GRIN2A: variants seen among roughly 807,000 people sequenced by gnomAD.
The protein encoded by GRIN2A is glutamate receptor ionotropic, NMDA 2A.
A neutral mutation model predicts 113.4 loss-of-function variants in GRIN2A; 22 were observed. The ratio of observed to expected loss-of-function variants is 0.19; its 90% CI spans 0.14 to 0.28. The LOEUF is 0.28. GRIN2A is among the 10% of genes least tolerant of loss of function. The probability of loss-of-function intolerance (pLI) is 1.00; values close to 1 mark genes in which losing one functional copy is unlikely to be tolerated. For missense variants in GRIN2A, 1,502 were observed against 1,887.0 expected (o/e 0.80, Z 3.78); for synonymous variants, 827 against 738.4 (o/e 1.12, Z -1.94).
At chr16:9,896,959 A>T (rs16966648) in intron 3 of GRIN2A, among the ~76,000 whole-genome samples, 2,078 of 152,254 alleles carry the variant, frequency 0.014, 55 homozygotes, top group African/African-American at 0.048. Context: ...ATCTCTACAA[A>T]ATTGATCATA....
Position 9,755,666 on chromosome 16 carries a change from G to C in GRIN2A, c.*7483C>G, listed in dbSNP as rs551009533. ...GAAATGTGGCTTAGACCATGGAGAG[G>C]GGGGAATGCAGGAAAGGCAGTGTGT... On this transcript the variant is annotated 3_prime_UTR_variant, in exon 13 of 13. Transcript: ENST00000330684. 5.0e-6 allele frequency: 1 copy of C among 199,622 alleles called. No individual in the cohort carries two copies. The highest frequency in any genetic ancestry group is 2.3e-5 in the African/African-American group (1 of 43,386). The allele number at this position is 199,622 out of a possible 1,614,324, so 12.4% of individuals were successfully genotyped here. A position where few individuals can be genotyped will look rare whatever the true frequency, so the allele number is the denominator to read the frequency against.
chr16:10,158,918 G>A (rs2049757019), intron 2 of GRIN2A, among the ~76,000 whole-genome samples: 1 of 152,186 alleles, frequency 6.6e-6, no homozygotes, highest in African/African-American at 2.4e-5. Context: ...CAGATTCTAT[G>A]TTATGTGTAT....
chr16:9,985,147 C>A (rs935673686), intron 2 of GRIN2A, among the ~76,000 whole-genome samples: 1 of 152,150 alleles, frequency 6.6e-6, no homozygotes, highest in Non-Finnish European at 1.5e-5. Context: ...GTGTGCTTCT[C>A]AGTTACGTTG....
At chr16:10,054,168 G>A (rs1054453274) in intron 2 of GRIN2A, among the ~76,000 whole-genome samples, 4 of 151,462 alleles carry the variant, frequency 2.6e-5, no homozygotes, top group East Asian at 1.9e-4. Context: ...TAAACCAAGC[G>A]AAAAAAAAGA....
At chr16:10,040,137 CCA>C (rs927058701) in intron 2 of GRIN2A, among the ~76,000 whole-genome samples, 2 of 103,308 alleles carry the variant, frequency 1.9e-5, no homozygotes, top group Non-Finnish European at 4.1e-5. Context: ...CACATTCACA[CCA>C]CACATACACA....
intron 2 of GRIN2A, among the ~76,000 whole-genome samples, chr16:10,154,018 T>C (rs570087583): frequency 6.6e-6 from 1 of 152,320 alleles, no homozygotes; most frequent in Admixed American, 6.5e-5. Flanking sequence ...TTCCTGTGCA[T>C]TCATTAATGC....
chr16:9,861,984 C>T (rs1385646404), intron 4 of GRIN2A, among the ~76,000 whole-genome samples: 1 of 152,176 alleles, frequency 6.6e-6, no homozygotes, highest in African/African-American at 2.4e-5. Flanking sequence ...ATTAAGAATG[C>T]AGACTCCTGT....
chr16:9,842,021 G>C (rs1399497418), intron 5 of GRIN2A, among the ~76,000 whole-genome samples: 2 of 152,164 alleles, frequency 1.3e-5, no homozygotes, highest in African/African-American at 4.8e-5. Flanking sequence ...GGAGGCTGTG[G>C]CGGGTGAACA....
chr16:9,856,127 A>G (rs1217479932), intron 4 of GRIN2A, among the ~76,000 whole-genome samples: 2 of 152,156 alleles, frequency 1.3e-5, no homozygotes, highest in Admixed American at 1.3e-4. Context: ...CAACTGTAGG[A>G]CATAGATAAC....
intron 11 of GRIN2A, among the ~76,000 whole-genome samples, chr16:9,785,678 C>T (rs1235565870): frequency 6.6e-6 from 1 of 151,770 alleles, no homozygotes; most frequent in Non-Finnish European, 1.5e-5. Flanking sequence ...AAATTATGTA[C>T]ATGGAGATTC....
chr16:10,153,440 A>G (rs961945319), intron 2 of GRIN2A, among the ~76,000 whole-genome samples: 1 of 152,210 alleles, frequency 6.6e-6, no homozygotes, highest in African/African-American at 2.4e-5. Flanking sequence ...GAATCTGGAC[A>G]GTGATGAAGT....
chr16:10,053,434 A>G (rs2047392606), intron 2 of GRIN2A, among the ~76,000 whole-genome samples: 2 of 152,258 alleles, frequency 1.3e-5, no homozygotes, highest in South Asian at 4.1e-4. Flanking sequence ...CCAGCTAGCA[A>G]GAGAAGAGCT....
chr16:10,077,408 C>T (rs1378338177), intron 2 of GRIN2A, among the ~76,000 whole-genome samples: 3 of 152,152 alleles, frequency 2.0e-5, no homozygotes, highest in East Asian at 1.9e-4. Context: ...TCCAACTCTC[C>T]TCTTTCTCTC....
At chr16:10,049,534 C>A (rs185162647) in intron 2 of GRIN2A, among the ~76,000 whole-genome samples, 2 of 151,982 alleles carry the variant, frequency 1.3e-5, no homozygotes, top group Admixed American at 6.6e-5. Flanking sequence ...CCCACAACTA[C>A]GCCCACCTAA....
chr16:9,984,933 C>T (rs933625643), intron 2 of GRIN2A, among the ~76,000 whole-genome samples: 1 of 152,098 alleles, frequency 6.6e-6, no homozygotes, highest in Non-Finnish European at 1.5e-5. Context: ...CCCTAATAAA[C>T]GTATCTGCGA....
At chr16:10,022,141 T>C (rs1423565410) in intron 2 of GRIN2A, among the ~76,000 whole-genome samples, 1 of 150,982 alleles carries the variant, frequency 6.6e-6, no homozygotes. Flanking sequence ...GAGGCACACA[T>C]CAAAATACCA....
chr16:10,002,934 G>A (rs997601693), intron 2 of GRIN2A, among the ~76,000 whole-genome samples: 3 of 152,150 alleles, frequency 2.0e-5, no homozygotes, highest in Non-Finnish European at 4.4e-5. Context: ...AAACCATAAG[G>A]CCTTTTATTC....
chr16:10,148,418 A>C lies in GRIN2A; in HGVS notation c.414+31580T>G, dbSNP rs533791706. Among the ~76,000 whole-genome samples the C allele has an allele frequency of 3.3e-5, 5 of 152,192 alleles. No homozygotes were observed. The East Asian group carries it at 9.6e-4, about 29-fold the overall frequency. ...GAATTTTTTATTACGAAAATTACCA[A>C]ATATAAAAGAGTGGAGCATTCTGTG... is the stretch of plus-strand genomic sequence containing the variant. On this transcript the variant is annotated intron_variant, in intron 2 of 12. Transcript: ENST00000330684.
intron 2 of GRIN2A, among the ~76,000 whole-genome samples, chr16:10,065,241 G>A (rs866979752): frequency 6.6e-6 from 1 of 152,164 alleles, no homozygotes; most frequent in South Asian, 2.1e-4. Flanking sequence ...TCACTAAAAT[G>A]GTAGCCTGCT....
Sources: allele counts gnomAD v4.1 joint callset (sites outside exome capture counted in the v4.1 genomes callset), GRCh38; gene constraint gnomAD v4.1.1; transcripts MANE v1.5; gene names NCBI Gene and HGNC (gene_info 2026-07-23, HGNC 2026-07-21).